The following STXBP6 variants were observed in gnomAD, a reference collection of about 807,000 sequenced individuals.
STXBP6 encodes syntaxin binding protein 6.
STXBP6 carries 21 observed loss-of-function variants against 26.9 expected under a neutral mutation model. The ratio of observed to expected loss-of-function variants is 0.78; its 90% CI spans 0.55 to 1.12. The LOEUF (loss-of-function observed/expected upper bound fraction) is 1.12, where lower values mean the gene tolerates loss of function less well. Ranked by LOEUF, STXBP6 falls within the 50% of genes most tolerant of loss-of-function variation. The pLI, the probability that STXBP6 is intolerant of heterozygous loss-of-function variation, is 0.00. For synonymous variants in STXBP6, 97 were observed against 92.6 expected, an observed-to-expected ratio of 1.05 and a Z score of -0.27; for missense variants, 232 against 257.9, an observed-to-expected ratio of 0.90 and a Z score of 0.69.
intron 1 of STXBP6, among the ~76,000 whole-genome samples, chr14:24,986,388 C>T (rs1195922263): frequency 6.6e-6 from 1 of 152,174 alleles, no homozygotes; most frequent in African/African-American, 2.4e-5. Flanking sequence ...TCCAACTGAG[C>T]CCCTTCTACA....
chr14:24,848,663 C>T (rs1196212514), intron 4 of STXBP6, among the ~76,000 whole-genome samples: 2 of 152,006 alleles, frequency 1.3e-5, no homozygotes, highest in South Asian at 2.1e-4. Flanking sequence ...TGCATTTCAG[C>T]GTAGCTTACA....
chr14:25,032,659 A>C (rs975601358), intron 1 of STXBP6, among the ~76,000 whole-genome samples: 2 of 152,212 alleles, frequency 1.3e-5, no homozygotes, highest in Admixed American at 6.5e-5. Context: ...GGACAACAGG[A>C]GAACATAAGA....
At chr14:24,970,499 G>GT (rs886918382) in intron 2 of STXBP6, among the ~76,000 whole-genome samples, 33 of 149,956 alleles carry the variant, frequency 2.2e-4, no homozygotes, top group East Asian at 7.8e-4. Flanking sequence ...GCTTCTGTCT[G>GT]TTTTTTTTTC....
chr14:24,828,739 A>C (rs1007196738), intron 4 of STXBP6, among the ~76,000 whole-genome samples: 19 of 152,230 alleles, frequency 1.2e-4, no homozygotes, highest in Non-Finnish European at 2.8e-4. Context: ...TTCAGATCAG[A>C]TTGCATCTCC....
chr14:25,015,491 G>A (rs1421969723), intron 1 of STXBP6, among the ~76,000 whole-genome samples: 2 of 151,586 alleles, frequency 1.3e-5, no homozygotes, highest in Non-Finnish European at 2.9e-5. Flanking sequence ...ATTCTCCAAG[G>A]GAAAGTTCAT....
chr14:24,980,921 C>T (rs980828106), intron 1 of STXBP6, among the ~76,000 whole-genome samples: 8 of 152,198 alleles, frequency 5.3e-5, no homozygotes, highest in Non-Finnish European at 1.0e-4. Context: ...ACCTGGGTGC[C>T]CAGGTCCTGC....
intron 2 of STXBP6, among the ~76,000 whole-genome samples, chr14:24,893,577 A>G (rs1370266760): frequency 6.6e-6 from 1 of 152,234 alleles, no homozygotes. Context: ...TCTGTGCAAA[A>G]TATGGGGTAC....
Position 25,049,187 on chromosome 14 carries a change from G to C in STXBP6, c.-33+691C>G, listed in dbSNP as rs143850477. On this transcript the variant is annotated intron_variant, in intron 1 of 5. Coordinates refer to ENST00000323944, the MANE Select transcript of STXBP6 (RefSeq NM_001394410.1). This position sits in a 1 kb window ranked among gnomAD's most constrained non-coding sequence, Gnocchi z 5.6. ...GTTGTAAACCTGAGGAAAGGTTGGA[G>C]GGAAAATCAAGCCACCCACCTACTC... 7.1e-6 allele frequency: 7 copies of C among 985,498 alleles called. No individual in the cohort carries two copies. The East Asian group carries it at 8.0e-4, about 112-fold the overall frequency. 61.0% of individuals were successfully genotyped at this position (985,498 alleles called of 1,614,324 possible).
intron 4 of STXBP6, among the ~76,000 whole-genome samples, chr14:24,821,491 T>C (rs3759644): frequency 0.026 from 3,888 of 152,294 alleles, 166 homozygotes; most frequent in East Asian, 0.19. Flanking sequence ...CCAGATGCTG[T>C]CTTCACTGTT....
At chr14:25,003,968 T>C (rs1015808174) in intron 1 of STXBP6, among the ~76,000 whole-genome samples, 2 of 152,232 alleles carry the variant, frequency 1.3e-5, no homozygotes, top group South Asian at 2.1e-4. Context: ...TATTGTGCCA[T>C]ACATAATATA....
intron 4 of STXBP6, among the ~76,000 whole-genome samples, chr14:24,838,212 C>T (rs1272548752): frequency 6.6e-6 from 1 of 152,148 alleles, no homozygotes; most frequent in Non-Finnish European, 1.5e-5. Context: ...GGTTTTGCCA[C>T]ATTGCCCAGG....
At chr14:24,885,421 A>T (rs925467769) in intron 2 of STXBP6, among the ~76,000 whole-genome samples, 1 of 152,228 alleles carries the variant, frequency 6.6e-6, no homozygotes, top group Non-Finnish European at 1.5e-5. Flanking sequence ...TGCTAAGGCC[A>T]GGCAGGCTTG....
At chr14:24,836,358 A>T (rs1348910464) in intron 4 of STXBP6, among the ~76,000 whole-genome samples, 1 of 152,158 alleles carries the variant, frequency 6.6e-6, no homozygotes, top group Non-Finnish European at 1.5e-5. Context: ...GCACTTTGGG[A>T]GGTCGAGGCG....
intron 2 of STXBP6, among the ~76,000 whole-genome samples, chr14:24,879,057 A>C (rs1417849434): frequency 6.6e-6 from 1 of 152,230 alleles, no homozygotes; most frequent in African/African-American, 2.4e-5. Context: ...TTCTAAGAAA[A>C]TAAACAACAA....
intron 1 of STXBP6, among the ~76,000 whole-genome samples, chr14:25,034,605 G>C (rs1303334806): frequency 1.3e-5 from 2 of 152,142 alleles, no homozygotes; most frequent in African/African-American, 4.8e-5. Flanking sequence ...GAGTCACATG[G>C]ATGGGATGTG....
intron 2 of STXBP6, among the ~76,000 whole-genome samples, chr14:24,914,950 C>T (rs779462984): frequency 5.3e-5 from 8 of 152,152 alleles, no homozygotes; most frequent in Non-Finnish European, 1.2e-4. Context: ...TGCTGAGAAG[C>T]AAAACATTAG....
chr14:25,003,083 G>A (rs1174318864), intron 1 of STXBP6, among the ~76,000 whole-genome samples: 1 of 152,180 alleles, frequency 6.6e-6, no homozygotes, highest in Non-Finnish European at 1.5e-5. Flanking sequence ...AAGATGATCT[G>A]CTTCACTGAC....
intron 2 of STXBP6, among the ~76,000 whole-genome samples, chr14:24,917,322 C>T (rs1206266385): frequency 6.6e-6 from 1 of 151,942 alleles, no homozygotes; most frequent in African/African-American, 2.4e-5. Context: ...CACTTTTTGG[C>T]AAAGTATTGG....
chr14:24,929,550 G>A lies in STXBP6; in HGVS notation c.154+45115C>T, dbSNP rs534420957. On this transcript the variant is annotated intron_variant, in intron 2 of 5. Coordinates refer to ENST00000323944, the MANE Select transcript of STXBP6 (RefSeq NM_001394410.1). ...ATGCCCACGTTGGCAGTTTCAGGAA[G>A]TTTTATTGCTGAACTTCCAAGGAAG... Among the ~76,000 whole-genome samples the A allele has an allele frequency of 4.8e-4, 73 of 152,338 alleles. 1 individual carries two copies. The highest frequency in any genetic ancestry group is 6.8e-3 in the Middle Eastern group (2 of 294).
Sources: allele counts gnomAD v4.1 joint callset (sites outside exome capture counted in the v4.1 genomes callset), GRCh38; gene constraint gnomAD v4.1.1; non-coding constraint Gnocchi (gnomAD v3.1); transcripts MANE v1.5; gene names NCBI Gene and HGNC (gene_info 2026-07-23, HGNC 2026-07-21).